Variants in NUP98 observed in about 807,000 individuals in gnomAD.
NUP98 encodes the protein nucleoporin 98 and 96 precursor.
In NUP98, 26 loss-of-function variants were observed where a neutral mutation model predicts 191.9. The observed-to-expected ratio is 0.14, with a 90% CI of 0.10 to 0.19. The LOEUF (loss-of-function observed/expected upper bound fraction) is 0.19, where lower values mean the gene tolerates loss of function less well. NUP98 is among the 10% of genes least tolerant of loss of function. NUP98 has a pLI of 1.00. For missense variants in NUP98, 1,941 were observed against 2,178.8 expected, an observed-to-expected ratio of 0.89 and a Z score of 2.17; for synonymous variants, 808 against 778.4, an observed-to-expected ratio of 1.04 and a Z score of -0.63.
At position 3,731,388 on chromosome 11, in the gene NUP98, C is replaced by T; in HGVS notation, c.1730+3G>A. 6.5e-7 allele frequency: 1 copy of T among 1,527,552 alleles called. No individual in the cohort carries two copies. The highest frequency in any genetic ancestry group is 8.8e-7 in the Non-Finnish European group (1 of 1,134,532). 94.6% of individuals were successfully genotyped at this position (1,527,552 alleles called of 1,614,324 possible). On this transcript the variant is annotated splice_donor_region_variant and intron_variant, in intron 14 of 32. Coordinates refer to ENST00000324932, the MANE Select transcript of NUP98 (RefSeq NM_016320.5). ...TAATTTCTGTTAACAAAAATAAACT[C>T]ACTTGGGCATGAATGCTCCATTGGC...
intron 10 of NUP98, among the ~76,000 whole-genome samples, chr11:3,756,774 A>T (rs1223187785): frequency 6.6e-6 from 1 of 152,074 alleles, no homozygotes; most frequent in African/African-American, 2.4e-5. Context: ...CATCACATAT[A>T]ACATCAAATA....
chr11:3,742,477 G>C (rs1034434781), intron 12 of NUP98, among the ~76,000 whole-genome samples: 1 of 152,044 alleles, frequency 6.6e-6, no homozygotes, highest in African/African-American at 2.4e-5. Context: ...AAGGTAGATG[G>C]ATCACCTGAG....
intron 27 of NUP98, 70 bp from the exon 28 acceptor site, chr11:3,691,559 TC>T: frequency 8.7e-6 from 13 of 1,487,974 alleles, no homozygotes; most frequent in Middle Eastern, 2.0e-4. Context: ...TTATGTTTCT[TC>T]TTTTTTTTTT....
chr11:3,777,787 C>G (rs1037499095), intron 4 of NUP98, among the ~76,000 whole-genome samples: 3 of 152,028 alleles, frequency 2.0e-5, no homozygotes, highest in Non-Finnish European at 2.9e-5. Flanking sequence ...TAAAACATGT[C>G]TTAATATATA....
At chr11:3,781,903 C>A in intron 2 of NUP98, 139 bp downstream of exon 2, 1 of 522,012 alleles carries the variant, frequency 1.9e-6, no homozygotes, top group Non-Finnish European at 3.4e-6. Context: ...GAGATCTTAT[C>A]CTAATTATTT....
chr11:3,735,175 G>T lies in NUP98; in HGVS notation c.1542+16C>A. ...TTCTTTGATATGATATTTTACAGAA[G>T]TATCCTTAAATTTACCTCTTCCTTC... On this transcript the variant is annotated intron_variant, in intron 13 of 32. Coordinates refer to ENST00000324932, the MANE Select transcript of NUP98 (RefSeq NM_016320.5). 6.4e-7 allele frequency: 1 copy of T among 1,557,802 alleles called. No individual in the cohort carries two copies.
chr11:3,700,955 A>C, intron 23 of NUP98, 116 bp from the exon 24 acceptor site: 2 of 729,194 alleles, frequency 2.7e-6, no homozygotes, highest in Non-Finnish European at 2.2e-6. Flanking sequence ...CAAACATTTC[A>C]CTGTAGTTTT....
At chr11:3,789,556 C>T (rs931762119) in intron 1 of NUP98, among the ~76,000 whole-genome samples, 3 of 140,208 alleles carry the variant, frequency 2.1e-5, no homozygotes, top group African/African-American at 5.3e-5. Context: ...CACTCTGTTG[C>T]CCAGGCTGGA....
intron 12 of NUP98, among the ~76,000 whole-genome samples, chr11:3,742,647 C>T (rs556868049): frequency 1.3e-3 from 193 of 146,112 alleles, no homozygotes; most frequent in African/African-American, 3.9e-3. Context: ...TGCAGTGAGC[C>T]GAGATTACAT....
chr11:3,679,155 A>G (rs370782981), intron 31 of NUP98, among the ~76,000 whole-genome samples: 11 of 151,310 alleles, frequency 7.3e-5, no homozygotes, highest in East Asian at 5.8e-4. Context: ...CTGACCGAAG[A>G]CATTGACTTT....
chr11:3,717,824 G>A (rs1219907786), intron 18 of NUP98, among the ~76,000 whole-genome samples: 3 of 151,990 alleles, frequency 2.0e-5, no homozygotes, highest in Non-Finnish European at 4.4e-5. Flanking sequence ...TACTTTTTCT[G>A]TATTATGATG....
At chr11:3,741,441 G>A (rs559875318) in intron 12 of NUP98, among the ~76,000 whole-genome samples, 1 of 152,026 alleles carries the variant, frequency 6.6e-6, no homozygotes, top group African/African-American at 2.4e-5. Context: ...GGCCAACATG[G>A]TGAAACCCCA....
intron 18 of NUP98, among the ~76,000 whole-genome samples, chr11:3,716,824 A>T (rs2079200955): frequency 6.6e-6 from 1 of 152,126 alleles, no homozygotes; most frequent in African/African-American, 2.4e-5. Flanking sequence ...ATTTATAATA[A>T]GTTTTGAAAT....
Position 3,683,236 on chromosome 11 carries a change from G to A in NUP98, c.4882C>T (p.Arg1628Cys), listed in dbSNP as rs372994507. 1.1e-5 allele frequency: 17 copies of A among 1,614,026 alleles called. No individual in the cohort carries two copies. Among genetic ancestry groups the A allele is most frequent in the African/African-American group, 5.3e-5 (4 of 74,924 alleles). The change falls in exon 30 of 33, where the codon CGC becomes TGC. Residue 1628 changes from arginine (R) to cysteine (C), a missense_variant. Transcript: ENST00000324932. ...LCLFKAEHWN[R>C]CHKLIIRHLA... is the part of the protein sequence containing the mutation. ...TGTCGGATGATGAGCTTGTGGCAGC[G>A]GTTCCAGTGCTCAGCCTTAAATAAG...
intron 12 of NUP98, 23 bp downstream of exon 12, chr11:3,744,486 C>G (rs748555668): frequency 2.5e-6 from 4 of 1,584,624 alleles, no homozygotes; most frequent in Non-Finnish European, 2.6e-6. Context: ...TAAGAAAAGC[C>G]TTCTAAAGTG....
rs34035817 is a variant in NUP98, at chr11:3,769,575, CAA to C, written c.785-833_785-832del. Among the ~76,000 whole-genome samples, 356 of 61,690 alleles carry C rather than the reference CAA, an allele frequency of 5.8e-3. 3 individuals carry two copies. The highest frequency in any genetic ancestry group is 0.018 in the African/African-American group (310 of 17,486). The allele number at this position is 61,690 out of a possible 152,430, so 40.5% of individuals were successfully genotyped here. Reference sequence around the variant, plus strand: ...TGGTCAACAAAGTGGGATTCTGTCTCAAAAAAAAAAAAAAAAAAAAAAGCATA... The same window carrying C: ...TGGTCAACAAAGTGGGATTCTGTCTCAAAAAAAAAAAAAAAAAAAAGCATA... On this transcript the variant is annotated intron_variant, in intron 7 of 32. Transcript: ENST00000324932.
Position 3,744,912 on chromosome 11 carries a change from C to A in NUP98, c.1268-263G>T, listed in dbSNP as rs114755096. On this transcript the variant is annotated intron_variant, in intron 11 of 32. Transcript: ENST00000324932. ...AGTAACACATAGCTTAGATAGTAATCCTAAAATTAAAATGGATAAACATTC... is the reference window on the plus strand; with the variant it reads ...AGTAACACATAGCTTAGATAGTAATACTAAAATTAAAATGGATAAACATTC... Among the ~76,000 whole-genome samples the A allele has an allele frequency of 2.5e-3, 375 of 152,194 alleles. 1 individual carries two copies. Among genetic ancestry groups the A allele is most frequent in the African/African-American group, 8.8e-3 (367 of 41,532 alleles).
At chr11:3,728,573 A>G (rs2079710276) in intron 14 of NUP98, among the ~76,000 whole-genome samples, 1 of 151,752 alleles carries the variant, frequency 6.6e-6, no homozygotes, top group African/African-American at 2.4e-5. Flanking sequence ...GTCTCTACTA[A>G]AAAAAATACA....
At chr11:3,701,454 G>A (rs1226428398) in intron 23 of NUP98, among the ~76,000 whole-genome samples, 1 of 151,748 alleles carries the variant, frequency 6.6e-6, no homozygotes, top group Admixed American at 6.6e-5. Context: ...TAGAGACAGG[G>A]TTTTACCATG....
Sources: gnomAD v4.1 joint callset for allele counts (sites outside exome capture counted in the v4.1 genomes callset) on GRCh38, gnomAD v4.1.1 for gene constraint, MANE v1.5 for transcripts, NCBI Gene and HGNC (gene_info 2026-07-23, HGNC 2026-07-21) for gene names.